SIN3A: variants seen among roughly 807,000 people sequenced by gnomAD.
The protein encoded by SIN3A is paired amphipathic helix protein Sin3a.
A neutral mutation model predicts 146.1 loss-of-function variants in SIN3A; 14 were observed. That is an observed-to-expected ratio of 0.10 (90% CI 0.06 to 0.15). SIN3A has a LOEUF of 0.15. Ranked by LOEUF, SIN3A falls within the 10% of genes least tolerant of loss-of-function variation. The pLI, the probability that SIN3A is intolerant of heterozygous loss-of-function variation, is 1.00. For missense variants in SIN3A, 1,028 were observed against 1,576.0 expected (o/e 0.65, Z 5.89); for synonymous variants, 572 against 572.0 (o/e 1.00, Z 0.00).
intron 1 of SIN3A, among the ~76,000 whole-genome samples, chr15:75,446,694 G>C (rs1450181656): frequency 6.6e-6 from 1 of 151,836 alleles, no homozygotes; most frequent in East Asian, 1.9e-4. Context: ...GTCTTGTTAT[G>C]ATGCCCAAGC....
At chr15:75,435,754 G>C (rs993543170) in intron 1 of SIN3A, among the ~76,000 whole-genome samples, 2 of 150,788 alleles carry the variant, frequency 1.3e-5, no homozygotes, top group Non-Finnish European at 2.9e-5. Context: ...CATACAGCAT[G>C]ATCTCATGTA....
At chr15:75,416,429 G>A (rs1308530996) in intron 3 of SIN3A, among the ~76,000 whole-genome samples, 2 of 152,184 alleles carry the variant, frequency 1.3e-5, no homozygotes, top group African/African-American at 2.4e-5. Context: ...GGGTTCAAGC[G>A]ATTCTCTTGC....
chr15:75,393,165 G>A (rs2073240572), intron 14 of SIN3A, among the ~76,000 whole-genome samples: 1 of 152,146 alleles, frequency 6.6e-6, no homozygotes, highest in African/African-American at 2.4e-5. Flanking sequence ...TGAGGCAAAG[G>A]TTGCAGTGAG....
intron 8 of SIN3A, among the ~76,000 whole-genome samples, chr15:75,408,335 A>G (rs560065339): frequency 6.6e-6 from 1 of 152,366 alleles, no homozygotes; most frequent in Admixed American, 6.5e-5. Flanking sequence ...AAAGATTTCA[A>G]AAGAAGAAAC....
At chr15:75,395,765 T>C in intron 13 of SIN3A, among the ~76,000 whole-genome samples, 1 of 151,894 alleles carries the variant, frequency 6.6e-6, no homozygotes, top group African/African-American at 2.4e-5. Context: ...ATTAGCTGGG[T>C]GTGGTGGCAC....
chr15:75,382,311 CTGACAA>C (rs1218404864), intron 17 of SIN3A, among the ~76,000 whole-genome samples: 1 of 152,190 alleles, frequency 6.6e-6, no homozygotes, highest in African/African-American at 2.4e-5. Context: ...AGCTTACAAC[CTGACAA>C]TAACATAATA....
In SIN3A at chr15:75,439,560, T is replaced by C. The variant is rs140843264; in HGVS notation, c.-33-9152A>G. The stretch of plus-strand genomic sequence containing the variant: ...TGGGGTTTCACTGTGTTAGCCAGGA[T>C]GGTCTCGATCTCCTGACCTCGTGAT... On this transcript the variant is annotated intron_variant, in intron 1 of 20. Transcript: ENST00000394947. Among the ~76,000 whole-genome samples, 107 of 151,896 alleles carry C rather than the reference T, an allele frequency of 7.0e-4. No individual in the cohort carries two copies. The East Asian group carries it at 0.014, about 20-fold the overall frequency.
rs150992022 is a variant in SIN3A, at chr15:75,439,470, A to G, written c.-33-9062T>C. 4.3e-3 allele frequency among the ~76,000 whole-genome samples: 658 copies of G among 151,810 alleles called. 3 individuals carry two copies. Among genetic ancestry groups the G allele is most frequent in the Non-Finnish European group, 6.7e-3 (455 of 67,928 alleles). On this transcript the variant is annotated intron_variant, in intron 1 of 20. Transcript: ENST00000394947. ...ATTCTTCGGCCTCAGCCTCCCAAGT[A>G]ACTGGGACTACAGGCGCCTGCCACC...
intron 16 of SIN3A, among the ~76,000 whole-genome samples, chr15:75,387,970 C>T (rs1265146467): frequency 6.6e-6 from 1 of 152,092 alleles, no homozygotes; most frequent in Non-Finnish European, 1.5e-5. Flanking sequence ...CAACTTTCCC[C>T]CAGATGTTAA....
intron 8 of SIN3A, 37 bp downstream of exon 8, chr15:75,409,799 G>GT: frequency 6.2e-7 from 1 of 1,602,278 alleles, no homozygotes; most frequent in Non-Finnish European, 8.5e-7. Context: ...AGAAATACTT[G>GT]TGAGTGTCAA....
rs775913884 is a variant in SIN3A at position 75,407,892 on chromosome 15, CAAAAAAAAAAAA to C, written c.1318-760_1318-749del. Among the ~76,000 whole-genome samples, 26 of 24,654 alleles carry C rather than the reference CAAAAAAAAAAAA, an allele frequency of 1.1e-3. 1 individual carries two copies. Among genetic ancestry groups the C allele is most frequent in the Admixed American group, 3.1e-3 (4 of 1,310 alleles). The allele number at this position is 24,654 out of a possible 152,430, so 16.2% of individuals were successfully genotyped here. On this transcript the variant is annotated intron_variant, in intron 8 of 20. Transcript: ENST00000394947. ...TGGGCAACAGAGTGAGACTCCATCT[CAAAAAAAAAAAA>C]AAAAAAAAAAAAAAAAAGGCACGCC...
intron 19 of SIN3A, among the ~76,000 whole-genome samples, chr15:75,379,835 G>C (rs1567314083): frequency 6.6e-6 from 1 of 152,210 alleles, no homozygotes; most frequent in South Asian, 2.1e-4. Flanking sequence ...TATACACAGA[G>C]GGAACATTTT....
intron 9 of SIN3A, 31 bp downstream of exon 9, chr15:75,407,024 C>T (rs2141476371): frequency 1.4e-6 from 2 of 1,447,962 alleles, no homozygotes; most frequent in South Asian, 2.3e-5. Flanking sequence ...CATTAACAGG[C>T]ACTATCAAAT....
chr15:75,404,774 A>C (rs1273317209), intron 9 of SIN3A, among the ~76,000 whole-genome samples: 1 of 152,020 alleles, frequency 6.6e-6, no homozygotes, highest in Non-Finnish European at 1.5e-5. Context: ...AAAATAAAAA[A>C]AAAACAAAAA....
At chr15:75,410,778 G>A (rs1462003478) in intron 6 of SIN3A, among the ~76,000 whole-genome samples, 1 of 152,000 alleles carries the variant, frequency 6.6e-6, no homozygotes, top group African/African-American at 2.4e-5. Context: ...GGCCGGGCAC[G>A]GTGGCTCATG....
rs1234280190 is a variant in SIN3A at position 75,375,683 on chromosome 15, G to T, written c.3573C>A (p.Ala1191=). Reference sequence around the variant, plus strand: ...TTCTCACCTGATGAGCCCGGAGCAGGGCGGTCCTCCGATACATATAGTCCT... The same window carrying T: ...TTCTCACCTGATGAGCCCGGAGCAGTGCGGTCCTCCGATACATATAGTCCT... ...KSEDYMYRRT[A]LLRAHQSHER... The change falls in exon 20 of 21, where the codon GCC becomes GCA. Residue 1191 remains alanine (A), a synonymous_variant. Transcript: ENST00000394947. 2 of 1,613,882 alleles carry T rather than the reference G, an allele frequency of 1.2e-6. No homozygotes were observed. The highest frequency in any genetic ancestry group is 3.3e-5 in the Admixed American group (2 of 60,002).
At chr15:75,418,190 C>T (rs1225318555) in intron 3 of SIN3A, among the ~76,000 whole-genome samples, 1 of 151,936 alleles carries the variant, frequency 6.6e-6, no homozygotes, top group Non-Finnish European at 1.5e-5. Context: ...TGCCACCACG[C>T]CCAGCTAATT....
rs570966700 is a variant in SIN3A at position 75,437,087 on chromosome 15, T to A, written c.-33-6679A>T. ...GTCCAGCACTGAGCCAGAGATTTCC[T>A]CCCCGACAACAGCCAAGTCTTCCAT... On this transcript the variant is annotated intron_variant, in intron 1 of 20. Transcript: ENST00000394947. Among the ~76,000 whole-genome samples the A allele has an allele frequency of 9.2e-5, 14 of 151,842 alleles. No individual in the cohort carries two copies. In the South Asian group the frequency reaches 2.9e-3, roughly 32 times the overall value.
chr15:75,447,790 G>A (rs550540945), intron 1 of SIN3A: 1 of 152,266 alleles, frequency 6.6e-6, no homozygotes, highest in African/African-American at 2.4e-5. Context: ...GTCATGCTGA[G>A]AAATATGGGT....
Sources: gnomAD v4.1 joint callset for allele counts (sites outside exome capture counted in the v4.1 genomes callset) on GRCh38, gnomAD v4.1.1 for gene constraint, MANE v1.5 for transcripts, NCBI Gene and HGNC (gene_info 2026-07-23, HGNC 2026-07-21) for gene names.